The following ENOSF1 variants were observed in gnomAD, a reference collection of about 807,000 sequenced individuals.
The protein encoded by ENOSF1 is mitochondrial enolase superfamily member 1.
Under a neutral mutation model 68.2 loss-of-function variants are expected in ENOSF1, and 73 were observed. That is an observed-to-expected ratio of 1.07 (90% CI 0.89 to 1.30). The LOEUF (loss-of-function observed/expected upper bound fraction) is 1.30, where lower values mean the gene tolerates loss of function less well. Among genes scored for constraint, ENOSF1 ranks in the 50% most tolerant of loss-of-function variants. The probability of loss-of-function intolerance (pLI) is 0.00; values close to 1 mark genes in which losing one functional copy is unlikely to be tolerated. For missense variants in ENOSF1, 589 were observed against 554.5 expected (o/e 1.06, Z -0.62); for synonymous variants, 223 against 210.4 (o/e 1.06, Z -0.52).
At position 706,252 on chromosome 18, in the gene ENOSF1, T is replaced by C. The variant is rs974773108; in HGVS notation, c.193+218A>G. 2.0e-5 allele frequency among the ~76,000 whole-genome samples: 3 copies of C among 152,000 alleles called. No homozygotes were observed. In the East Asian group the frequency reaches 5.8e-4, roughly 29 times the overall value. ...GGATTTTCTAACAGGCTAGAGATGA[T>C]TGCAAGGAGAGAGGCCAAATTCTGT... On this transcript the variant is annotated intron_variant, in intron 2 of 15. Coordinates refer to ENST00000647584, the MANE Select transcript of ENOSF1 (RefSeq NM_017512.7).
intron 2 of ENOSF1, among the ~76,000 whole-genome samples, chr18:702,489 C>T (rs1223692124): frequency 1.3e-5 from 2 of 151,964 alleles, no homozygotes; most frequent in African/African-American, 4.8e-5. Context: ...GCAGGAGAAT[C>T]GTTTGAACCT....
In ENOSF1 at chr18:697,224, A is replaced by G; in HGVS notation, c.309+16T>C. 1.3e-6 allele frequency: 2 copies of G among 1,588,036 alleles called. No homozygotes were observed. The highest frequency in any genetic ancestry group is 1.7e-6 in the Non-Finnish European group (2 of 1,156,264). On this transcript the variant is annotated intron_variant, in intron 3 of 15. Transcript: ENST00000647584. ...AATATTACTTATGTAAGCATTTTAC[A>G]AAATAGGTCCCTTACCCATCTGAGC... is the stretch of plus-strand genomic sequence containing the variant.
At chr18:704,254 C>T (rs1241569589) in intron 2 of ENOSF1, among the ~76,000 whole-genome samples, 1 of 151,688 alleles carries the variant, frequency 6.6e-6, no homozygotes, top group Non-Finnish European at 1.5e-5. Flanking sequence ...CATGGTGAAA[C>T]CTCATCTTTA....
At chr18:677,087 G>A (rs2144579881) in intron 14 of ENOSF1, among the ~76,000 whole-genome samples, 1 of 152,346 alleles carries the variant, frequency 6.6e-6, no homozygotes, top group South Asian at 2.1e-4. Context: ...CTGGTTAAGG[G>A]AGTAGTGTGG....
intron 2 of ENOSF1, among the ~76,000 whole-genome samples, chr18:700,953 A>G (rs1598759227): frequency 6.6e-6 from 1 of 151,588 alleles, no homozygotes; most frequent in South Asian, 2.1e-4. Flanking sequence ...TTGACTTGGA[A>G]AAGAAAAAAA....
At chr18:683,838 A>C (rs2076347835) in intron 10 of ENOSF1, among the ~76,000 whole-genome samples, 1 of 152,078 alleles carries the variant, frequency 6.6e-6, no homozygotes, top group Non-Finnish European at 1.5e-5. Context: ...CTGGCACAAT[A>C]ATAAGTAGCC....
At chr18:678,334 G>T in intron 12 of ENOSF1, 1 of 331,960 alleles carries the variant, frequency 3.0e-6, no homozygotes, top group Non-Finnish European at 5.5e-6. Context: ...GCAGGCACTC[G>T]GGCTTCATTT....
chr18:669,474 G>A (rs2074941468), downstream of ENOSF1: 10 of 225,172 alleles, frequency 4.4e-5, 2 homozygotes, highest in South Asian at 7.3e-4. Context: ...CTGGGTTCGA[G>A]TGATTCTCCT....
chr18:694,026 C>G (rs964699888), intron 4 of ENOSF1, 118 bp from the exon 5 acceptor site: 5 of 1,187,486 alleles, frequency 4.2e-6, no homozygotes, highest in Middle Eastern at 3.8e-4. Context: ...CCCACACCCC[C>G]CTCTACTGCT....
rs79630114 is a variant in ENOSF1 at position 679,878 on chromosome 18, C to T, written c.877-1141G>A. The stretch of plus-strand genomic sequence containing the variant: ...CTTAGGGTAATAGTAATCACACTGA[C>T]AGCTAACATTTTTGGAGCTCTGAGT... On this transcript the variant is annotated intron_variant, in intron 11 of 15. Transcript: ENST00000647584. Among the ~76,000 whole-genome samples the T allele has an allele frequency of 0.018, 2,729 of 152,310 alleles. 170 individuals are homozygous for T. In the East Asian group the frequency reaches 0.24, roughly 13 times the overall value.
intron 10 of ENOSF1, among the ~76,000 whole-genome samples, chr18:685,146 G>A (rs2076497297): frequency 6.6e-6 from 1 of 151,982 alleles, no homozygotes; most frequent in Non-Finnish European, 1.5e-5. Context: ...TTATAGGCAT[G>A]AGCCATATAA....
chr18:712,310 G>A lies in ENOSF1; in HGVS notation c.84+194C>T. ...GTCGGGAAGCTGCCCGGGGCCCGCAGAGCTGCAGTCGGCGGGGCGGGAGGG... is the reference window on the plus strand; with the variant it reads ...GTCGGGAAGCTGCCCGGGGCCCGCAAAGCTGCAGTCGGCGGGGCGGGAGGG... On this transcript the variant is annotated intron_variant, in intron 1 of 15. Coordinates refer to ENST00000647584, the MANE Select transcript of ENOSF1 (RefSeq NM_017512.7). 6 of 1,483,128 alleles carry A rather than the reference G, an allele frequency of 4.0e-6. 1 individual carries two copies. The highest frequency in any genetic ancestry group is 4.4e-5 in the Admixed American group (2 of 45,508). 91.9% of individuals were successfully genotyped at this position (1,483,128 alleles called of 1,614,324 possible). A position where few individuals can be genotyped will look rare whatever the true frequency, so the allele number is the denominator to read the frequency against.
At chr18:704,605 C>CT (rs367666026) in intron 2 of ENOSF1, among the ~76,000 whole-genome samples, 54,445 of 134,390 alleles carry the variant, frequency 0.41, 11,882 homozygotes, top group African/African-American at 0.5. Context: ...TCTTCTGTAT[C>CT]TTTTTTCTTT....
chr18:684,373 C>T (rs77379853), intron 10 of ENOSF1, among the ~76,000 whole-genome samples: 145 of 151,926 alleles, frequency 9.5e-4, no homozygotes, highest in African/African-American at 3.4e-3. Context: ...ACAAAAAATA[C>T]AAAAATTAGC....
At chr18:690,051 G>A (rs1490912245) in intron 8 of ENOSF1, among the ~76,000 whole-genome samples, 1 of 152,034 alleles carries the variant, frequency 6.6e-6, no homozygotes, top group East Asian at 1.9e-4. Flanking sequence ...CACCTGGAGG[G>A]GACATGGAAG....
chr18:710,923 G>A (rs914237390), intron 1 of ENOSF1, among the ~76,000 whole-genome samples: 1 of 152,122 alleles, frequency 6.6e-6, no homozygotes, highest in African/African-American at 2.4e-5. Context: ...TTGCCTGCTG[G>A]GTGTTTAAGT....
intron 10 of ENOSF1, among the ~76,000 whole-genome samples, chr18:684,763 T>C (rs377745217): frequency 2.0e-5 from 3 of 152,086 alleles, no homozygotes; most frequent in South Asian, 4.1e-4. Flanking sequence ...TCCCTGATCT[T>C]ATTGTGCTTG....
Position 693,919 on chromosome 18 carries a change from AAAAG to A in ENOSF1, c.397-15_397-12del, listed in dbSNP as rs759993699. 2 of 1,613,976 alleles carry A rather than the reference AAAAG, an allele frequency of 1.2e-6. No individual in the cohort carries two copies. The highest frequency in any genetic ancestry group is 2.2e-5 in the South Asian group (2 of 90,984). On this transcript the variant is annotated splice_polypyrimidine_tract_variant and intron_variant, in intron 4 of 15. Coordinates refer to ENST00000647584, the MANE Select transcript of ENOSF1 (RefSeq NM_017512.7). Reference sequence around the variant, plus strand: ...TAACTTCCAGACAGGCTTGAAGTAAAAAAGAAAGGATTTGTAAGACATATGTGTA... The same window carrying A: ...TAACTTCCAGACAGGCTTGAAGTAAAAAAGGATTTGTAAGACATATGTGTA...
At chr18:682,783 T>G (rs1467061354) in intron 11 of ENOSF1, among the ~76,000 whole-genome samples, 2 of 149,798 alleles carry the variant, frequency 1.3e-5, no homozygotes, top group Non-Finnish European at 2.9e-5. Context: ...CTCAGGAGGC[T>G]GAGGCAGAAG....
Sources: gnomAD v4.1 joint callset for allele counts (sites outside exome capture counted in the v4.1 genomes callset) on GRCh38, gnomAD v4.1.1 for gene constraint, MANE v1.5 for transcripts, NCBI Gene and HGNC (gene_info 2026-07-23, HGNC 2026-07-21) for gene names.